The following OXR1 variants were observed in gnomAD, a reference collection of about 807,000 sequenced individuals.
The protein encoded by OXR1 is oxidation resistance 1.
In OXR1, 41 loss-of-function variants were observed where a neutral mutation model predicts 104.6. The observed-to-expected ratio is 0.39, with a 90% CI of 0.31 to 0.51. The LOEUF is 0.51. Ranked by LOEUF, OXR1 falls within the 20% of genes least tolerant of loss-of-function variation. OXR1 has a pLI of 0.77. For synonymous variants in OXR1, 348 were observed against 348.4 expected (o/e 1.00, Z 0.01); for missense variants, 955 against 1,031.9 (o/e 0.93, Z 1.02).
intron 1 of OXR1, among the ~76,000 whole-genome samples, chr8:106,347,643 C>G (rs1051578363): frequency 6.6e-6 from 1 of 151,976 alleles, no homozygotes; most frequent in Non-Finnish European, 1.5e-5. Context: ...TAGTAAAAGC[C>G]AGATCAAATA....
At chr8:106,422,075 G>T (rs1818928140) in intron 2 of OXR1, among the ~76,000 whole-genome samples, 1 of 152,022 alleles carries the variant, frequency 6.6e-6, no homozygotes, top group Admixed American at 6.6e-5. Context: ...GGTAGTCTGG[G>T]CTCTAAGGAA....
At chr8:106,551,828 A>ATATATGTG (rs1563599628) in intron 3 of OXR1, among the ~76,000 whole-genome samples, 3 of 86,954 alleles carry the variant, frequency 3.5e-5, no homozygotes, top group East Asian at 4.4e-4. Flanking sequence ...ACACACACAC[A>ATATATGTG]TATATATATG....
intron 13 of OXR1, among the ~76,000 whole-genome samples, chr8:106,740,043 A>AT (rs1327361074): frequency 1.3e-5 from 2 of 152,136 alleles, no homozygotes; most frequent in Non-Finnish European, 2.9e-5. Flanking sequence ...TCTATCAAGT[A>AT]TTTTTGTTAA....
chr8:106,355,236 A>C (rs1815914210), intron 1 of OXR1, among the ~76,000 whole-genome samples: 1 of 152,186 alleles, frequency 6.6e-6, no homozygotes, highest in Non-Finnish European at 1.5e-5. Flanking sequence ...TAGCAATGTT[A>C]GAATTTTGGC....
chr8:106,534,092 T>G (rs748101641), intron 3 of OXR1, among the ~76,000 whole-genome samples: 5 of 152,130 alleles, frequency 3.3e-5, no homozygotes, highest in Non-Finnish European at 5.9e-5. Flanking sequence ...CATTCCAAAT[T>G]TTAATGTGCA....
intron 3 of OXR1, among the ~76,000 whole-genome samples, chr8:106,675,654 G>A (rs1827510360): frequency 6.6e-6 from 1 of 152,102 alleles, no homozygotes; most frequent in Non-Finnish European, 1.5e-5. Flanking sequence ...TTTTGCTGTG[G>A]TCCAAGAGAC....
At chr8:106,540,255 G>A (rs1814848853) in intron 3 of OXR1, among the ~76,000 whole-genome samples, 2 of 152,114 alleles carry the variant, frequency 1.3e-5, no homozygotes, top group African/African-American at 4.8e-5. Context: ...GAGGAGCAAA[G>A]ATCAACCATT....
At chr8:106,529,145 A>AT (rs958386497) in intron 3 of OXR1, among the ~76,000 whole-genome samples, 233 of 151,776 alleles carry the variant, frequency 1.5e-3, no homozygotes, top group African/African-American at 5.4e-3. Flanking sequence ...CCAATATGGA[A>AT]TTTTTTTTTA....
At chr8:106,314,970 A>T (rs1483406376) in intron 1 of OXR1, among the ~76,000 whole-genome samples, 1 of 152,156 alleles carries the variant, frequency 6.6e-6, no homozygotes, top group Non-Finnish European at 1.5e-5. Flanking sequence ...TTAGATGAAG[A>T]TAATATAAAA....
chr8:106,491,819 T>A (rs1447962510), intron 2 of OXR1, among the ~76,000 whole-genome samples: 1 of 152,188 alleles, frequency 6.6e-6, no homozygotes, highest in East Asian at 1.9e-4. Flanking sequence ...AGGTATCAAT[T>A]GAGGTGGTTT....
chr8:106,617,106 T>G (rs1194577469), intron 3 of OXR1, among the ~76,000 whole-genome samples: 1 of 152,160 alleles, frequency 6.6e-6, no homozygotes, highest in African/African-American at 2.4e-5. Flanking sequence ...GGTGCTGCCC[T>G]TTACTTCTAC....
intron 3 of OXR1, among the ~76,000 whole-genome samples, chr8:106,658,925 A>G (rs73699979): frequency 0.016 from 2,431 of 152,316 alleles, 36 homozygotes; most frequent in Admixed American, 0.047. Flanking sequence ...TGCATAGGGT[A>G]ACTTCCAGTG....
intron 2 of OXR1, among the ~76,000 whole-genome samples, chr8:106,510,616 C>A (rs750942935): frequency 1.5e-4 from 23 of 152,142 alleles, no homozygotes; most frequent in Non-Finnish European, 2.8e-4. Flanking sequence ...TCTATGTATG[C>A]TTCTATATAA....
chr8:106,575,323 A>G (rs1206090825), intron 3 of OXR1, among the ~76,000 whole-genome samples: 1 of 152,122 alleles, frequency 6.6e-6, no homozygotes, highest in African/African-American at 2.4e-5. Context: ...CACTTTCCAA[A>G]AAGTGTTGTG....
chr8:106,711,787 G>A lies in OXR1; in HGVS notation c.1793+997G>A, dbSNP rs562258143. Among the ~76,000 whole-genome samples, 3 of 152,152 alleles carry A rather than the reference G, an allele frequency of 2.0e-5. No homozygotes were observed. In the East Asian group the frequency reaches 5.8e-4, roughly 29 times the overall value. On this transcript the variant is annotated intron_variant, in intron 10 of 16. Coordinates refer to ENST00000517566, the MANE Select transcript of OXR1 (RefSeq NM_001198533.2). Reference sequence around the variant, plus strand: ...CAAGTGACAGCTGCACATACCTGGGGTTATTTTACAGAAGAGGAACCATAA... The same window carrying A: ...CAAGTGACAGCTGCACATACCTGGGATTATTTTACAGAAGAGGAACCATAA...
chr8:106,697,766 A>T (rs1385733495), intron 7 of OXR1: 1 of 1,613,270 alleles, frequency 6.2e-7, no homozygotes. Flanking sequence ...GCCATGGTGG[A>T]GGCCTGGATC....
chr8:106,683,248 C>T lies in OXR1; in HGVS notation c.353C>T (p.Thr118Ile). 1 of 1,606,642 alleles carries T rather than the reference C, an allele frequency of 6.2e-7. No homozygotes were observed. The highest frequency in any genetic ancestry group is 8.5e-7 in the Non-Finnish European group (1 of 1,173,810). The change falls in exon 5 of 17, where the codon ACA becomes ATA. Residue 118 changes from threonine (T) to isoleucine (I), a missense_variant. This residue lies in a region of OXR1 where 849 missense variants were observed against 852.9 expected (regional missense o/e 1.00). Coordinates refer to ENST00000517566, the MANE Select transcript of OXR1 (RefSeq NM_001198533.2). ...AGCATAGCCCTGAAGTTTGATACAA[C>T]ACCTAACGAACTTGTTCAATTAAAT... Reference protein sequence around the residue: ...LNSIALKFDTTPNELVQLNKL... With the variant: ...LNSIALKFDTIPNELVQLNKL...
chr8:106,488,528 A>C (rs1435665886), intron 2 of OXR1, among the ~76,000 whole-genome samples: 1 of 152,126 alleles, frequency 6.6e-6, no homozygotes, highest in African/African-American at 2.4e-5. Flanking sequence ...TAATGCCTAG[A>C]TTTTATTCTA....
At position 106,706,586 on chromosome 8, in the gene OXR1, T is replaced by C; in HGVS notation, c.1065T>C (p.Asp355=). 6.2e-7 allele frequency: 1 copy of C among 1,612,670 alleles called. No individual in the cohort carries two copies. Among genetic ancestry groups the C allele is most frequent in the Non-Finnish European group, 8.5e-7 (1 of 1,179,640 alleles). ...SPIREELVSS[D]ELRQDKSSGA... ...TACGAGAGGAGCTTGTATCTTCAGA[T>C]GAACTGCGACAAGATAAATCTTCTG... The change falls in exon 9 of 17, where the codon GAT becomes GAC. Residue 355 remains aspartate, a synonymous_variant. Coordinates refer to ENST00000517566, the MANE Select transcript of OXR1 (RefSeq NM_001198533.2).
Sources: gnomAD v4.1 joint callset for allele counts (sites outside exome capture counted in the v4.1 genomes callset) on GRCh38, gnomAD v4.1.1 for gene constraint, gnomAD v4.1.1 regional missense constraint, MANE v1.5 for transcripts, NCBI Gene and HGNC (gene_info 2026-07-23, HGNC 2026-07-21) for gene names.